INTS2: variants seen among roughly 807,000 people sequenced by gnomAD.
INTS2 encodes KIAA1287.
A neutral mutation model predicts 139.6 loss-of-function variants in INTS2; 57 were observed. The observed-to-expected ratio is 0.41, with a 90% CI of 0.33 to 0.51. The LOEUF (loss-of-function observed/expected upper bound fraction) is 0.51, where lower values mean the gene tolerates loss of function less well. Among genes scored for constraint, INTS2 ranks in the 20% least tolerant of loss-of-function variants. INTS2 has a pLI of 0.28. For missense variants in INTS2, 1,196 were observed against 1,436.7 expected (o/e 0.83, Z 2.71); for synonymous variants, 473 against 493.4 (o/e 0.96, Z 0.55).
rs1480011334 is a variant in INTS2 at position 61,919,427 on chromosome 17, C to T, written c.622G>A (p.Ala208Thr). 3 of 1,588,478 alleles carry T rather than the reference C, an allele frequency of 1.9e-6. No individual in the cohort carries two copies. Among genetic ancestry groups the T allele is most frequent in the Non-Finnish European group, 2.6e-6 (3 of 1,162,526 alleles). Residue 208 changes from alanine to threonine, a missense_variant, in exon 5 of 25, where the codon GCC (alanine) becomes ACC (threonine). Physicochemically the swap from Ala to Thr is moderately conservative, Grantham distance 58 (BLOSUM62 0). This residue lies in a region of INTS2 where 1,129 missense variants were observed against 1,341.9 expected (regional missense o/e 0.84). Coordinates refer to ENST00000251334, the MANE Select transcript of INTS2 (RefSeq NM_001351695.2). ...TCATTAAAACTATCAGGAACATTGG[C>T]CACCAAGAGACACAAGAACCAGGCA... is the stretch of plus-strand genomic sequence containing the variant. The part of the protein sequence containing the change: ...NGAWFLCLLV[A>T]NVPDSFNEVC...
chr17:61,867,663 T>G lies in INTS2; in HGVS notation c.3485A>C (p.Lys1162Thr). Residue 1162 changes from lysine (K) to threonine (T), a missense_variant, in exon 25 of 25, where the codon AAA becomes ACA. Physicochemically the swap from Lys to Thr is moderately conservative, Grantham distance 78 (BLOSUM62 -1). Around this residue, in one of 3 missense-constraint regions of INTS2, gnomAD observed 1,129 missense variants for 1,341.9 expected, o/e 0.84. Coordinates refer to ENST00000251334, the MANE Select transcript of INTS2 (RefSeq NM_001351695.2). This position sits in a 1 kb window ranked among gnomAD's most constrained non-coding sequence, Gnocchi z 5.6. ...GCTTCCAGTGTCCCTGGATCCATTT[T>G]TATAAGATGAATCTTTACAGATTTG... is the stretch of plus-strand genomic sequence containing the variant. ...WSQICKDSSY[K>T]NGSRDTGSMD... 2 of 1,612,980 alleles carry G rather than the reference T, an allele frequency of 1.2e-6. No homozygotes were observed. Among genetic ancestry groups the G allele is most frequent in the Non-Finnish European group, 1.7e-6 (2 of 1,179,148 alleles).
chr17:61,911,594 C>A lies in INTS2; in HGVS notation c.880G>T (p.Val294Leu). The part of the protein sequence containing the change: ...EDGVSDLVCF[V>L]SGLLLGTNAK... ...TTTGTTCCAAGAAGCAAACCACTTA[C>A]AAAACAAACCAAGTCACTCACTCCA... The change falls in exon 7 of 25, where the codon GTA becomes TTA. Residue 294 changes from valine to leucine, a missense_variant. Val to Leu is a conservative substitution (Grantham distance 32). Transcript: ENST00000251334. 1 of 1,613,972 alleles carries A rather than the reference C, an allele frequency of 6.2e-7. No individual in the cohort carries two copies. The highest frequency in any genetic ancestry group is 8.5e-7 in the Non-Finnish European group (1 of 1,179,886).
intron 15 of INTS2, among the ~76,000 whole-genome samples, chr17:61,888,706 T>C (rs2079256327): frequency 6.6e-6 from 1 of 151,790 alleles, no homozygotes; most frequent in Non-Finnish European, 1.5e-5. Context: ...TGAGCTACCA[T>C]ACCCAGCCCA....
Position 61,870,730 on chromosome 17 carries a change from T to C in INTS2, c.2779-742A>G, listed in dbSNP as rs2079081998. 6.6e-6 allele frequency among the ~76,000 whole-genome samples: 1 copy of C among 152,232 alleles called. No individual in the cohort carries two copies. Among genetic ancestry groups the C allele is most frequent in the Admixed American group, 6.5e-5 (1 of 15,280 alleles). On this transcript the variant is annotated intron_variant, in intron 20 of 24. Transcript: ENST00000251334. This position sits in a 1 kb window ranked among gnomAD's most constrained non-coding sequence, Gnocchi z 4.4. Reference sequence around the variant, plus strand: ...TTGAGCTAAGTGATTAAGAACTTATTATAAAGTGAGGTTAGACTACTTTAT... The same window carrying C: ...TTGAGCTAAGTGATTAAGAACTTATCATAAAGTGAGGTTAGACTACTTTAT...
At position 61,868,131 on chromosome 17, in the gene INTS2, C is replaced by T. The variant is rs750068082; in HGVS notation, c.3245-122G>A. 2.4e-5 allele frequency: 16 copies of T among 677,028 alleles called. No homozygotes were observed. The highest frequency in any genetic ancestry group is 3.7e-5 in the Non-Finnish European group (16 of 436,202). 41.9% of individuals were successfully genotyped at this position (677,028 alleles called of 1,614,324 possible). Reference sequence around the variant, plus strand: ...TATGAAGTTCTCTAAACACAGCCAACCCGTCTTCAGAAAGCTCACAATCTA... The same window carrying T: ...TATGAAGTTCTCTAAACACAGCCAATCCGTCTTCAGAAAGCTCACAATCTA... On this transcript the variant is annotated intron_variant, in intron 23 of 24. Coordinates refer to ENST00000251334, the MANE Select transcript of INTS2 (RefSeq NM_001351695.2). This position sits in a 1 kb window ranked among gnomAD's most constrained non-coding sequence, Gnocchi z 4.7.
At chr17:61,925,137 C>G (rs1422386167) in intron 2 of INTS2, 38 bp from the exon 3 acceptor site, 2 of 1,569,882 alleles carry the variant, frequency 1.3e-6, no homozygotes, top group Non-Finnish European at 1.8e-6. Flanking sequence ...TATGAAAACA[C>G]TGATATGGAA....
At position 61,869,780 on chromosome 17, in the gene INTS2, A is replaced by ATT; in HGVS notation, c.2985_2986dup (p.Met996LysfsTer25). The stretch of plus-strand genomic sequence containing the variant: ...AGCAATGTTGGGATCTGCAATGTAC[A>ATT]TTTGGTGCAAGAGACAACAGATAAG... On this transcript the variant is annotated frameshift_variant, in exon 21 of 25. Coordinates refer to ENST00000251334, the MANE Select transcript of INTS2 (RefSeq NM_001351695.2). LOFTEE classifies it high-confidence loss of function. The surrounding 1 kb of genome is among the most constrained non-coding windows in gnomAD (Gnocchi z 5.4). 1.2e-6 allele frequency: 2 copies of ATT among 1,613,898 alleles called. No homozygotes were observed. Among genetic ancestry groups the ATT allele is most frequent in the Non-Finnish European group, 1.7e-6 (2 of 1,179,790 alleles).
In INTS2 at chr17:61,872,043, C is replaced by T. The variant is rs545011056; in HGVS notation, c.2778+222G>A. On this transcript the variant is annotated intron_variant, in intron 20 of 24. Coordinates refer to ENST00000251334, the MANE Select transcript of INTS2 (RefSeq NM_001351695.2). The surrounding 1 kb of genome is among the most constrained non-coding windows in gnomAD (Gnocchi z 4.8). The stretch of plus-strand genomic sequence containing the variant: ...TAAAATATAAATCTTATTTAAATGG[C>T]TATTTCATTCATATCATGAAGATTA... 2.6e-4 allele frequency: 100 copies of T among 383,598 alleles called. No homozygotes were observed. The highest frequency in any genetic ancestry group is 1.9e-3 in the African/African-American group (92 of 48,532). The allele number at this position is 383,598 out of a possible 1,614,324, so 23.8% of individuals were successfully genotyped here.
In INTS2 at chr17:61,866,519, T is replaced by C. The variant is rs1487414358; in HGVS notation, c.*1038A>G. ...TACCTGAATATGTCTGCCTAATCAA[T>C]GGAAGTTACTGACAGAGGACTGCAA... On this transcript the variant is annotated 3_prime_UTR_variant, in exon 25 of 25. Transcript: ENST00000251334. The C allele has an allele frequency of 1.3e-5, 2 of 152,158 alleles. No homozygotes were observed. Among genetic ancestry groups the C allele is most frequent in the African/African-American group, 4.8e-5 (2 of 41,448 alleles). 9.4% of individuals were successfully genotyped at this position (152,158 alleles called of 1,614,324 possible). A position where few individuals can be genotyped will look rare whatever the true frequency, so the allele number is the denominator to read the frequency against.
At chr17:61,906,223 T>G (rs1018513334) in intron 8 of INTS2, among the ~76,000 whole-genome samples, 1 of 152,178 alleles carries the variant, frequency 6.6e-6, no homozygotes, top group African/African-American at 2.4e-5. Context: ...GAAATGCTCA[T>G]TGGAGCATTA....
intron 5 of INTS2, among the ~76,000 whole-genome samples, chr17:61,918,407 A>G (rs1018071372): frequency 2.1e-4 from 32 of 151,986 alleles, no homozygotes; most frequent in African/African-American, 7.7e-4. Context: ...AAGCCCAGCT[A>G]ATTTTTGTAT....
chr17:61,886,321 C>T (rs377318856), intron 15 of INTS2, among the ~76,000 whole-genome samples: 14 of 152,278 alleles, frequency 9.2e-5, no homozygotes, highest in African/African-American at 2.9e-4. Flanking sequence ...AAAGTACAGG[C>T]GTGAGCCATC....
In INTS2 at chr17:61,870,133, C is replaced by G. The variant is rs1040877596; in HGVS notation, c.2779-145G>C. 2.6e-6 allele frequency: 2 copies of G among 760,812 alleles called. No homozygotes were observed. The highest frequency in any genetic ancestry group is 3.5e-5 in the African/African-American group (2 of 56,708). The allele number at this position is 760,812 out of a possible 1,614,324, so 47.1% of individuals were successfully genotyped here. On this transcript the variant is annotated intron_variant, in intron 20 of 24. Coordinates refer to ENST00000251334, the MANE Select transcript of INTS2 (RefSeq NM_001351695.2). This position sits in a 1 kb window ranked among gnomAD's most constrained non-coding sequence, Gnocchi z 4.4. ...CAAAGAGGTACTTCTAAGAGCAGAA[C>G]TGAGCAATCTGTAGAGCAGTGGTTC... is the stretch of plus-strand genomic sequence containing the variant.
At chr17:61,913,382 G>A (rs1003781956) in intron 5 of INTS2, among the ~76,000 whole-genome samples, 401 of 121,760 alleles carry the variant, frequency 3.3e-3, no homozygotes, top group African/African-American at 8.1e-3. Context: ...AGAAATTAAA[G>A]AAAAAAAAAA....
chr17:61,895,272 G>T, intron 12 of INTS2, 43 bp downstream of exon 12: 1 of 1,154,730 alleles, frequency 8.7e-7, no homozygotes, highest in Non-Finnish European at 1.2e-6. Flanking sequence ...AAAGAATATT[G>T]TAAAAGAAAG....
chr17:61,926,218 T>C, intron 2 of INTS2, 134 bp downstream of exon 2: 1 of 671,248 alleles, frequency 1.5e-6, no homozygotes, highest in Non-Finnish European at 2.5e-6. Flanking sequence ...TGTAACTATA[T>C]ACAGAAAAGA....
chr17:61,881,494 G>A (rs909681210), intron 16 of INTS2, among the ~76,000 whole-genome samples: 8 of 152,146 alleles, frequency 5.3e-5, no homozygotes, highest in Admixed American at 4.6e-4. Context: ...CTACTCAGGA[G>A]GCTAAGGCAG....
Position 61,867,702 on chromosome 17 carries a change from G to C in INTS2, c.3446C>G (p.Pro1149Arg), listed in dbSNP as rs1435588310. ...TTTACAGATTTGAGACCATCCACTT[G>C]GTTTCTCCTTTATTTGTTGAAGACC... ...ITRLQQIKEK[P>R]SGWSQICKDS... Residue 1149 changes from proline to arginine, a missense_variant, in exon 25 of 25, where the codon CCA (proline) becomes CGA (arginine). Coordinates refer to ENST00000251334, the MANE Select transcript of INTS2 (RefSeq NM_001351695.2). This position sits in a 1 kb window ranked among gnomAD's most constrained non-coding sequence, Gnocchi z 5.6. 1.9e-6 allele frequency: 3 copies of C among 1,602,728 alleles called. No homozygotes were observed. In the African/African-American group the frequency reaches 4.0e-5, roughly 22 times the overall value.
At chr17:61,903,536 A>G (rs1396276929) in intron 9 of INTS2, among the ~76,000 whole-genome samples, 3 of 152,132 alleles carry the variant, frequency 2.0e-5, no homozygotes, top group Non-Finnish European at 4.4e-5. Flanking sequence ...AAACTCACAG[A>G]CTGTCTAATG....
Sources: gnomAD v4.1 joint callset for allele counts (sites outside exome capture counted in the v4.1 genomes callset) on GRCh38, gnomAD v4.1.1 for gene constraint, gnomAD v4.1.1 regional missense constraint, Gnocchi (gnomAD v3.1) non-coding constraint, MANE v1.5 for transcripts, NCBI Gene and HGNC (gene_info 2026-07-23, HGNC 2026-07-21) for gene names.